MCF2L: variants seen among roughly 807,000 people sequenced by gnomAD.
The protein encoded by MCF2L is guanine nucleotide exchange factor DBS.
A neutral mutation model predicts 153.4 loss-of-function variants in MCF2L; 97 were observed. That is an observed-to-expected ratio of 0.63 (90% CI 0.54 to 0.75). The LOEUF is 0.75. Ranked by LOEUF, MCF2L falls within the 30% of genes least tolerant of loss-of-function variation. MCF2L has a pLI of 0.00. For missense variants in MCF2L, 1,347 were observed against 1,495.2 expected (o/e 0.90, Z 1.64); for synonymous variants, 659 against 632.2 (o/e 1.04, Z -0.64).
intron 4 of MCF2L, among the ~76,000 whole-genome samples, chr13:113,055,736 G>C (rs901397317): frequency 6.6e-6 from 1 of 152,162 alleles, no homozygotes; most frequent in Non-Finnish European, 1.5e-5. Flanking sequence ...CTCAGCTCAC[G>C]ATTCCCTGCT....
chr13:113,059,723 C>T (rs946251227), intron 4 of MCF2L, among the ~76,000 whole-genome samples: 1 of 152,204 alleles, frequency 6.6e-6, no homozygotes, highest in Non-Finnish European at 1.5e-5. Flanking sequence ...TCCCCACTTT[C>T]CCAATGGAGA....
chr13:112,947,710 G>A (rs1023110183), intron 2 of MCF2L, among the ~76,000 whole-genome samples: 1 of 152,190 alleles, frequency 6.6e-6, no homozygotes, highest in Non-Finnish European at 1.5e-5. Context: ...TGCCCCCAGG[G>A]GTTGCTGGGC....
At chr13:113,015,705 C>T (rs2084468090) in intron 2 of MCF2L, among the ~76,000 whole-genome samples, 1 of 152,180 alleles carries the variant, frequency 6.6e-6, no homozygotes, top group African/African-American at 2.4e-5. Flanking sequence ...TTTTATGAGA[C>T]CAAAATCGAA....
rs2085748186 is a variant in MCF2L at position 113,031,889 on chromosome 13, CAG to C, written c.278+7133_278+7134del. On this transcript the variant is annotated intron_variant, in intron 3 of 29. Transcript: ENST00000535094. The surrounding 1 kb of genome is among the most constrained non-coding windows in gnomAD (Gnocchi z 5.5). The stretch of plus-strand genomic sequence containing the variant: ...TGCCACACACACACACACACACACA[CAG>C]ATGCACGCAGACACGCAGGCACTCA... 6.9e-6 allele frequency among the ~76,000 whole-genome samples: 1 copy of C among 144,266 alleles called. No homozygotes were observed. The highest frequency in any genetic ancestry group is 1.5e-5 in the Non-Finnish European group (1 of 66,386). 94.6% of individuals were successfully genotyped at this position (144,266 alleles called of 152,430 possible). A position where few individuals can be genotyped will look rare whatever the true frequency, so the allele number is the denominator to read the frequency against.
intron 2 of MCF2L, among the ~76,000 whole-genome samples, chr13:112,929,619 G>T (rs955866227): frequency 6.6e-6 from 1 of 152,236 alleles, no homozygotes; most frequent in African/African-American, 2.4e-5. Flanking sequence ...CTCCACAGCA[G>T]GTGTCAGAAT....
rs1386178871 is a variant in MCF2L, at chr13:112,985,178, C to T, written c.79+15720C>T. 8.9e-6 allele frequency: 3 copies of T among 336,780 alleles called. No individual in the cohort carries two copies. The East Asian group carries it at 2.4e-4, about 26-fold the overall frequency. The allele number at this position is 336,780 out of a possible 1,614,324, so 20.9% of individuals were successfully genotyped here. On this transcript the variant is annotated intron_variant, in intron 1 of 29. Coordinates refer to ENST00000535094, the MANE Select transcript of MCF2L (RefSeq NM_001112732.3). ...GTCGCCTGGACCTGCATGTAAACAT[C>T]AGGGCGGAGCAGGAATCGGCCTCCA...
Position 113,074,941 on chromosome 13 carries a change from A to T in MCF2L, c.1117-57A>T. On this transcript the variant is annotated intron_variant, in intron 10 of 29. Transcript: ENST00000535094. This position sits in a 1 kb window ranked among gnomAD's most constrained non-coding sequence, Gnocchi z 4.2. ...GGACACACATCCCGTACAGCAAGGC[A>T]CTGTGTGCCTCGAACAGAAAGAGGC... 6.8e-7 allele frequency: 1 copy of T among 1,478,388 alleles called. No individual in the cohort carries two copies. The highest frequency in any genetic ancestry group is 9.2e-7 in the Non-Finnish European group (1 of 1,085,226). 91.6% of individuals were successfully genotyped at this position (1,478,388 alleles called of 1,614,324 possible). A position where few individuals can be genotyped will look rare whatever the true frequency, so the allele number is the denominator to read the frequency against.
At chr13:113,078,602 C>T (rs573657886) in intron 14 of MCF2L, 64 bp from the exon 15 acceptor site, 12 of 1,492,976 alleles carry the variant, frequency 8.0e-6, no homozygotes, top group Non-Finnish European at 2.8e-6. Flanking sequence ...TGGGCTCTGG[C>T]CTTGAGAGTT....
intron 2 of MCF2L, among the ~76,000 whole-genome samples, chr13:112,925,863 A>G (rs543302716): frequency 1.3e-5 from 2 of 152,226 alleles, no homozygotes; most frequent in Non-Finnish European, 2.9e-5. Context: ...TAAACTTTGC[A>G]TGAGAAGAAA....
upstream of MCF2L, among the ~76,000 whole-genome samples, chr13:112,967,270 A>G (rs1275384910): frequency 6.6e-6 from 1 of 152,142 alleles, no homozygotes; most frequent in Non-Finnish European, 1.5e-5. Context: ...CACTTTTTGC[A>G]GACCATGTGT....
At chr13:113,007,085 C>G (rs9549631) in intron 1 of MCF2L, among the ~76,000 whole-genome samples, 54,983 of 151,998 alleles carry the variant, frequency 0.36, 10,011 homozygotes, top group Admixed American at 0.4. Flanking sequence ...GGTCTCTGGT[C>G]CCTCTGCCCC....
At chr13:113,002,667 C>T (rs995447513) in intron 1 of MCF2L, among the ~76,000 whole-genome samples, 7 of 152,148 alleles carry the variant, frequency 4.6e-5, no homozygotes, top group Non-Finnish European at 7.4e-5. Flanking sequence ...GAAGGGGTCA[C>T]GTGGGGAGGA....
intron 2 of MCF2L, among the ~76,000 whole-genome samples, chr13:112,938,916 G>A (rs1316321): frequency 0.15 from 23,438 of 152,096 alleles, 1,887 homozygotes; most frequent in South Asian, 0.21. Flanking sequence ...CTTGCCACGC[G>A]GGGGCCAGGC....
chr13:112,990,187 C>A (rs940273088), intron 1 of MCF2L, among the ~76,000 whole-genome samples: 1 of 152,156 alleles, frequency 6.6e-6, no homozygotes, highest in African/African-American at 2.4e-5. Flanking sequence ...TCTGTGGGAA[C>A]CTTGTCTATC....
At chr13:112,898,321 C>T (rs1039183990) in intron 1 of MCF2L, among the ~76,000 whole-genome samples, 1 of 152,198 alleles carries the variant, frequency 6.6e-6, no homozygotes, top group Non-Finnish European at 1.5e-5. Context: ...GGCCTCTCCG[C>T]GCTCTACCCG....
At chr13:112,901,409 C>T (rs2081118307) in intron 1 of MCF2L, among the ~76,000 whole-genome samples, 1 of 152,220 alleles carries the variant, frequency 6.6e-6, no homozygotes, top group South Asian at 2.1e-4. Context: ...CGGCGTCGGC[C>T]TCCCAAAGTG....
intron 9 of MCF2L, among the ~76,000 whole-genome samples, chr13:113,071,003 A>G (rs2032859238): frequency 6.6e-6 from 1 of 152,214 alleles, no homozygotes; most frequent in Non-Finnish European, 1.5e-5. Flanking sequence ...AGAAAATGCC[A>G]AACGGTTCTC....
At chr13:112,910,696 G>C (rs1413178809) in intron 2 of MCF2L, 1 of 152,222 alleles carries the variant, frequency 6.6e-6, no homozygotes, top group Non-Finnish European at 1.5e-5. Flanking sequence ...ATGCTTCTTA[G>C]AAAAGGAAAT....
At chr13:113,050,927 G>C (rs1432235279) in intron 4 of MCF2L, among the ~76,000 whole-genome samples, 1 of 152,062 alleles carries the variant, frequency 6.6e-6, no homozygotes, top group African/African-American at 2.4e-5. Flanking sequence ...TGGCTGCCGA[G>C]GGAGAGAGGG....
Sources: allele counts gnomAD v4.1 joint callset (sites outside exome capture counted in the v4.1 genomes callset), GRCh38; gene constraint gnomAD v4.1.1; non-coding constraint Gnocchi (gnomAD v3.1); transcripts MANE v1.5; gene names NCBI Gene and HGNC (gene_info 2026-07-23, HGNC 2026-07-21).